Variants in MAGI2 observed in about 807,000 individuals in gnomAD.
MAGI2 encodes the protein membrane-associated guanylate kinase, WW and PDZ domain-containing protein 2.
MAGI2 carries 35 observed loss-of-function variants against 133.3 expected under a neutral mutation model. That is an observed-to-expected ratio of 0.26 (90% CI 0.20 to 0.35). The LOEUF (loss-of-function observed/expected upper bound fraction) is 0.35, where lower values mean the gene tolerates loss of function less well. MAGI2 is among the 10% of genes least tolerant of loss of function. The probability of loss-of-function intolerance (pLI) is 1.00; values close to 1 mark genes in which losing one functional copy is unlikely to be tolerated. For synonymous variants in MAGI2, 729 were observed against 710.6 expected (o/e 1.03, Z -0.41); for missense variants, 1,636 against 1,863.4 (o/e 0.88, Z 2.25).
At chr7:78,953,362 A>G (rs1165094637) in intron 2 of MAGI2, among the ~76,000 whole-genome samples, 1 of 152,162 alleles carries the variant, frequency 6.6e-6, no homozygotes, top group African/African-American at 2.4e-5. Flanking sequence ...TTCAAGGTGT[A>G]AATCAAGTGT....
intron 2 of MAGI2, among the ~76,000 whole-genome samples, chr7:78,865,824 C>T (rs1794511078): frequency 6.6e-6 from 1 of 152,048 alleles, no homozygotes; most frequent in Admixed American, 6.6e-5. Flanking sequence ...TTACATGTCC[C>T]TTAAACAAAA....
chr7:78,038,221 G>A (rs1274856746), intron 21 of MAGI2, among the ~76,000 whole-genome samples: 2 of 152,126 alleles, frequency 1.3e-5, no homozygotes, highest in African/African-American at 2.4e-5. Flanking sequence ...CACATGTTAA[G>A]TGTTCAGTAA....
At chr7:79,451,591 T>C (rs1052815606) in intron 1 of MAGI2, among the ~76,000 whole-genome samples, 4 of 152,230 alleles carry the variant, frequency 2.6e-5, no homozygotes, top group Non-Finnish European at 5.9e-5. Context: ...CATTTTCTTG[T>C]ATGGCAATTT....
At chr7:79,146,956 C>T (rs772489933) in intron 1 of MAGI2, among the ~76,000 whole-genome samples, 5 of 152,164 alleles carry the variant, frequency 3.3e-5, no homozygotes, top group Admixed American at 6.5e-5. Flanking sequence ...ACCTCTTACC[C>T]GAAGCAAGAG....
intron 1 of MAGI2, among the ~76,000 whole-genome samples, chr7:79,275,462 C>A (rs904170171): frequency 3.3e-5 from 5 of 152,160 alleles, no homozygotes; most frequent in African/African-American, 1.2e-4. Flanking sequence ...TAGAAGCTAA[C>A]AGAGTTTGGT....
intron 4 of MAGI2, among the ~76,000 whole-genome samples, chr7:78,505,586 A>G (rs1795011895): frequency 6.6e-6 from 1 of 152,234 alleles, no homozygotes; most frequent in Non-Finnish European, 1.5e-5. Context: ...CATGCTCTGA[A>G]CATGTTCAGT....
At chr7:78,502,232 AAG>A (rs1428139487) in intron 4 of MAGI2, among the ~76,000 whole-genome samples, 7 of 152,196 alleles carry the variant, frequency 4.6e-5, no homozygotes, top group Non-Finnish European at 8.8e-5. Context: ...ATGTAATCAC[AAG>A]AGTCCTTAAA....
At chr7:79,374,653 G>A (rs888424020) in intron 1 of MAGI2, among the ~76,000 whole-genome samples, 1 of 151,832 alleles carries the variant, frequency 6.6e-6, no homozygotes, top group Non-Finnish European at 1.5e-5. Context: ...ATGGGAAATG[G>A]ACTGAATTCA....
chr7:78,041,389 A>C (rs1810823564), intron 21 of MAGI2, among the ~76,000 whole-genome samples: 1 of 152,204 alleles, frequency 6.6e-6, no homozygotes, highest in South Asian at 2.1e-4. Flanking sequence ...TATCACCTGG[A>C]AAGGCACCAG....
chr7:78,260,745 C>T lies in MAGI2; in HGVS notation c.1409-4164G>A, dbSNP rs559887209. Among the ~76,000 whole-genome samples the T allele has an allele frequency of 1.2e-3, 178 of 152,138 alleles. 1 individual carries two copies. The highest frequency in any genetic ancestry group is 3.8e-3 in the African/African-American group (157 of 41,512). On this transcript the variant is annotated intron_variant, in intron 9 of 21. Transcript: ENST00000354212. ...TGAGTGTGAGTGATGAGTTAGGTGTCCCACAGGTCTGGTCTCACACTAACC... is the reference window on the plus strand; with the variant it reads ...TGAGTGTGAGTGATGAGTTAGGTGTTCCACAGGTCTGGTCTCACACTAACC...
intron 6 of MAGI2, among the ~76,000 whole-genome samples, chr7:78,409,468 T>A (rs181335662): frequency 2.6e-3 from 397 of 152,038 alleles, no homozygotes; most frequent in Non-Finnish European, 3.3e-3. Flanking sequence ...TTCAGGGGCA[T>A]CACAAAAAAG....
chr7:78,955,765 C>CT (rs1554310397), intron 2 of MAGI2, among the ~76,000 whole-genome samples: 5 of 69,566 alleles, frequency 7.2e-5, no homozygotes, highest in Middle Eastern at 6.7e-3. Flanking sequence ...TTCTTTCTTT[C>CT]TTTCTTTCTT....
intron 1 of MAGI2, chr7:79,030,462 G>A (rs532256892): frequency 1.3e-5 from 2 of 152,152 alleles, no homozygotes; most frequent in African/African-American, 2.4e-5. Context: ...TGTTTTTAAG[G>A]GTGTGGCAAC....
intron 1 of MAGI2, among the ~76,000 whole-genome samples, chr7:79,314,229 C>G (rs1429522828): frequency 2.0e-5 from 3 of 152,160 alleles, no homozygotes; most frequent in Non-Finnish European, 2.9e-5. Flanking sequence ...CCGCCTTGGC[C>G]TCCCAAAATG....
intron 7 of MAGI2, among the ~76,000 whole-genome samples, chr7:78,361,273 A>C (rs1048424561): frequency 6.6e-6 from 1 of 152,016 alleles, no homozygotes; most frequent in Non-Finnish European, 1.5e-5. Flanking sequence ...AGGTGCCTGT[A>C]ATCCCAGCTA....
chr7:78,426,609 TAATA>T (rs914013097), intron 6 of MAGI2, among the ~76,000 whole-genome samples: 5 of 148,130 alleles, frequency 3.4e-5, no homozygotes, highest in African/African-American at 7.8e-5. Flanking sequence ...AGTATAATAA[TAATA>T]AATAAATTAA....
In MAGI2 at chr7:79,017,868, T is replaced by A. The variant is rs570364661; in HGVS notation, c.302-10662A>T. Among the ~76,000 whole-genome samples, 12 of 151,454 alleles carry A rather than the reference T, an allele frequency of 7.9e-5. No individual in the cohort carries two copies. The South Asian group carries it at 2.1e-3, about 26-fold the overall frequency. Reference sequence around the variant, plus strand: ...AGACTGGCTCTCCAAAATAACTCAGTCAAAGAAAAAGGAAAATAAAAAACC... The same window carrying A: ...AGACTGGCTCTCCAAAATAACTCAGACAAAGAAAAAGGAAAATAAAAAACC... On this transcript the variant is annotated intron_variant, in intron 1 of 21. Coordinates refer to ENST00000354212, the MANE Select transcript of MAGI2 (RefSeq NM_012301.4).
chr7:78,299,118 A>G (rs1278246163), intron 9 of MAGI2, among the ~76,000 whole-genome samples: 2 of 152,102 alleles, frequency 1.3e-5, no homozygotes, highest in African/African-American at 4.8e-5. Flanking sequence ...GTGCCTGGCT[A>G]TAACGGTTTT....
intron 2 of MAGI2, among the ~76,000 whole-genome samples, chr7:78,964,841 A>T (rs1562725354): frequency 6.6e-6 from 1 of 151,978 alleles, no homozygotes; most frequent in East Asian, 1.9e-4. Context: ...TTTATCATTG[A>T]CTTTTTCTTT....
Sources: gnomAD v4.1 joint callset for allele counts (sites outside exome capture counted in the v4.1 genomes callset) on GRCh38, gnomAD v4.1.1 for gene constraint, MANE v1.5 for transcripts, NCBI Gene and HGNC (gene_info 2026-07-23, HGNC 2026-07-21) for gene names.